MIA2: variants seen among roughly 807,000 people sequenced by gnomAD.
MIA2 encodes MIA SH3 domain ER export factor 2.
MIA2 carries 127 observed loss-of-function variants against 167.8 expected under a neutral mutation model. The ratio of observed to expected loss-of-function variants is 0.76; its 90% CI spans 0.66 to 0.88. The LOEUF (loss-of-function observed/expected upper bound fraction) is 0.88. MIA2 is among the 40% of genes least tolerant of loss of function. The pLI is 0.00. For missense variants in MIA2, 1,690 were observed against 1,624.7 expected, an observed-to-expected ratio of 1.04 and a Z score of -0.69; for synonymous variants, 552 against 541.9, an observed-to-expected ratio of 1.02 and a Z score of -0.26.
At chr14:39,239,803 A>C (rs2053959266) in intron 2 of MIA2, among the ~76,000 whole-genome samples, 1 of 152,356 alleles carries the variant, frequency 6.6e-6, no homozygotes, top group Non-Finnish European at 1.5e-5. Context: ...TTAGCTGTTT[A>C]AGGAACCACA....
chr14:39,310,571 A>G (rs2064076117), intron 18 of MIA2, among the ~76,000 whole-genome samples: 1 of 152,212 alleles, frequency 6.6e-6, no homozygotes, highest in Non-Finnish European at 1.5e-5. Flanking sequence ...AGGCTGTAGC[A>G]GGAAGCTAAC....
At chr14:39,365,122 G>A (rs1265229975) in intron 23 of MIA2, among the ~76,000 whole-genome samples, 1 of 151,678 alleles carries the variant, frequency 6.6e-6, no homozygotes, top group Non-Finnish European at 1.5e-5. Context: ...CTGGAGTGCA[G>A]TGGCATGATC....
intron 26 of MIA2, 131 bp from the exon 27 acceptor site, chr14:39,347,582 T>C (rs915458894): frequency 2.2e-5 from 18 of 810,880 alleles, no homozygotes; most frequent in East Asian, 2.2e-4. Flanking sequence ...GGCCGCAATA[T>C]AGGATATTGG....
At chr14:39,379,197 G>A (rs1056489569) in intron 23 of MIA2, among the ~76,000 whole-genome samples, 1 of 151,404 alleles carries the variant, frequency 6.6e-6, no homozygotes, top group African/African-American at 2.4e-5. Context: ...TTGTTAATCT[G>A]ACATGGGGCC....
rs7155173 is a variant in MIA2 at position 39,236,731 on chromosome 14, A to C, written c.116-191A>C. On this transcript the variant is annotated intron_variant, in intron 1 of 28. Transcript: ENST00000640607. ...GGGACCAGGTTATGGACAGCCTTGG[A>C]TACCAGGCCCAGAGGCTTAGACTCG... Among the ~76,000 whole-genome samples the C allele has an allele frequency of 4.6e-3, 699 of 152,288 alleles. 6 individuals are homozygous for C. The highest frequency in any genetic ancestry group is 0.016 in the African/African-American group (668 of 41,556).
At chr14:39,328,985 T>C (rs2153001701) in intron 25 of MIA2, among the ~76,000 whole-genome samples, 1 of 152,346 alleles carries the variant, frequency 6.6e-6, no homozygotes, top group East Asian at 1.9e-4. Context: ...TAAAGTAGTT[T>C]TTTCTAATTC....
intron 17 of MIA2, among the ~76,000 whole-genome samples, chr14:39,307,707 A>T (rs2063586450): frequency 6.6e-6 from 1 of 151,984 alleles, no homozygotes; most frequent in Admixed American, 6.6e-5. Flanking sequence ...GGCCAAAATT[A>T]AAACAATTTA....
At chr14:39,237,736 G>T (rs1024099266) in intron 2 of MIA2, among the ~76,000 whole-genome samples, 41 of 152,126 alleles carry the variant, frequency 2.7e-4, no homozygotes, top group African/African-American at 9.2e-4. Context: ...AATGGTCAAG[G>T]TTTTTGTTTG....
chr14:39,345,105 G>A (rs1331876341), intron 25 of MIA2, among the ~76,000 whole-genome samples: 1 of 152,040 alleles, frequency 6.6e-6, no homozygotes, highest in Non-Finnish European at 1.5e-5. Flanking sequence ...TTGAGATAGA[G>A]TCTTGCTCTG....
intron 13 of MIA2, among the ~76,000 whole-genome samples, chr14:39,298,532 T>TTTTTTTTTTTG (rs2061842424): frequency 7.8e-6 from 1 of 128,898 alleles, no homozygotes; most frequent in Non-Finnish European, 1.7e-5. Context: ...AGAACAGAGT[T>TTTTTTTTTTTG]TTTTTTTTTT....
downstream of MIA2, among the ~76,000 whole-genome samples, chr14:39,353,717 C>T (rs991348955): frequency 2.6e-5 from 4 of 152,146 alleles, no homozygotes; most frequent in African/African-American, 9.7e-5. Flanking sequence ...CTCCCCTCTC[C>T]CCTGACCCTA....
At chr14:39,377,182 T>A (rs1297823679) in intron 23 of MIA2, among the ~76,000 whole-genome samples, 1 of 151,982 alleles carries the variant, frequency 6.6e-6, no homozygotes, top group Non-Finnish European at 1.5e-5. Flanking sequence ...GGAAGCTAAT[T>A]TTTTGGCAGG....
intron 23 of MIA2, among the ~76,000 whole-genome samples, chr14:39,367,981 T>G (rs1330127015): frequency 6.6e-6 from 1 of 152,242 alleles, no homozygotes; most frequent in Non-Finnish European, 1.5e-5. Flanking sequence ...GAAGGAAATT[T>G]CATTTTGTTC....
rs2060129803 is a variant in MIA2 at position 39,288,446 on chromosome 14, TATATATATATA to T, written c.2131-2572_2131-2562del. Among the ~76,000 whole-genome samples the T allele has an allele frequency of 3.7e-3, 104 of 28,094 alleles. 26 individuals carry two copies. The highest frequency in any genetic ancestry group is 0.013 in the Middle Eastern group (1 of 78). 18.4% of individuals were successfully genotyped at this position (28,094 alleles called of 152,430 possible). A position where few individuals can be genotyped will look rare whatever the true frequency, so the allele number is the denominator to read the frequency against. ...TATATATTATACATATATATATATA[TATATATATATA>T]TATATATATATATATATATTTTTTT... On this transcript the variant is annotated intron_variant, in intron 9 of 28. Transcript: ENST00000640607.
chr14:39,346,102 C>T, intron 26 of MIA2, 76 bp downstream of exon 26: 1 of 1,240,544 alleles, frequency 8.1e-7, no homozygotes, highest in Non-Finnish European at 1.2e-6. Context: ...GAATAAAGAC[C>T]AATATAATTG....
chr14:39,317,928 T>C lies in MIA2; in HGVS notation c.3217-16T>C. The C allele has an allele frequency of 6.5e-7, 1 of 1,546,738 alleles. No individual in the cohort carries two copies. Among genetic ancestry groups the C allele is most frequent in the Non-Finnish European group, 8.7e-7 (1 of 1,144,804 alleles). On this transcript the variant is annotated splice_polypyrimidine_tract_variant and intron_variant, in intron 21 of 28. Coordinates refer to ENST00000640607, the MANE Select transcript of MIA2 (RefSeq NM_001329214.4). ...TTTATATAAATATATTTTTAAAATG[T>C]GTTATTTTCTTCAAGTTGGCAGCTC...
chr14:39,299,471 CT>C (rs1464173229), intron 13 of MIA2, among the ~76,000 whole-genome samples: 2 of 151,862 alleles, frequency 1.3e-5, no homozygotes, highest in Non-Finnish European at 2.9e-5. Context: ...CCATGCCAAG[CT>C]AATTTTTGTG....
Position 39,294,032 on chromosome 14 carries a change from A to G in MIA2, c.2352A>G (p.Leu784=), listed in dbSNP as rs1270653532. 3 of 1,612,426 alleles carry G rather than the reference A, an allele frequency of 1.9e-6. No individual in the cohort carries two copies. Among genetic ancestry groups the G allele is most frequent in the South Asian group, 1.1e-5 (1 of 90,930 alleles). The change falls in exon 12 of 29, where the codon CTA becomes CTG. Residue 784 remains leucine, a synonymous_variant. Coordinates refer to ENST00000640607, the MANE Select transcript of MIA2 (RefSeq NM_001329214.4). ...ATATTTCAAAAAGGATACAGTCTCT[A>G]GAAGATGAGTCAAAATCCCTCAAAT... is the stretch of plus-strand genomic sequence containing the variant. ...MADISKRIQS[L]EDESKSLKSQ... is the part of the protein sequence containing the mutation.
chr14:39,249,517 A>C (rs2054464865), intron 4 of MIA2, among the ~76,000 whole-genome samples: 1 of 151,424 alleles, frequency 6.6e-6, no homozygotes, highest in African/African-American at 2.4e-5. Context: ...TTAAGTTTCA[A>C]GGTAATAAGA....
Sources: gnomAD v4.1 joint callset for allele counts (sites outside exome capture counted in the v4.1 genomes callset) on GRCh38, gnomAD v4.1.1 for gene constraint, MANE v1.5 for transcripts, NCBI Gene and HGNC (gene_info 2026-07-23, HGNC 2026-07-21) for gene names.